PPM1L: variants seen among roughly 807,000 people sequenced by gnomAD.
PPM1L encodes protein phosphatase 1L.
A neutral mutation model predicts 31.4 loss-of-function variants in PPM1L; 13 were observed. That is an observed-to-expected ratio of 0.41 (90% CI 0.27 to 0.66). The LOEUF (loss-of-function observed/expected upper bound fraction) is 0.66. PPM1L is among the 30% of genes least tolerant of loss of function. The pLI, the probability that PPM1L is intolerant of heterozygous loss-of-function variation, is 0.29. For missense variants in PPM1L, 326 were observed against 453.7 expected, an observed-to-expected ratio of 0.72 and a Z score of 2.56; for synonymous variants, 184 against 175.4, an observed-to-expected ratio of 1.05 and a Z score of -0.39.
intron 1 of PPM1L, among the ~76,000 whole-genome samples, chr3:160,835,033 ACTACTACTT>A (rs1713654845): frequency 1.2e-5 from 1 of 86,280 alleles, no homozygotes; most frequent in African/African-American, 7.0e-5. Context: ...TACTATTACT[ACTACTACTT>A]CTTCTTCTTC....
intron 1 of PPM1L, among the ~76,000 whole-genome samples, chr3:160,833,981 T>C (rs1324654731): frequency 6.6e-6 from 1 of 151,918 alleles, no homozygotes; most frequent in Non-Finnish European, 1.5e-5. Flanking sequence ...CAGTGTCCAG[T>C]TACAAATTTC....
chr3:160,978,180 G>T (rs1169768835), intron 2 of PPM1L, among the ~76,000 whole-genome samples: 1 of 152,184 alleles, frequency 6.6e-6, no homozygotes, highest in Admixed American at 6.5e-5. Context: ...TAGCATCCCA[G>T]ACCATTTAGC....
chr3:160,902,327 C>A (rs960693139), intron 1 of PPM1L, among the ~76,000 whole-genome samples: 6 of 152,200 alleles, frequency 3.9e-5, no homozygotes, highest in Admixed American at 3.9e-4. Context: ...ACATTGGTAT[C>A]CCTAAAGAGT....
At chr3:160,817,897 A>G (rs1199073122) in intron 1 of PPM1L, among the ~76,000 whole-genome samples, 1 of 152,016 alleles carries the variant, frequency 6.6e-6, no homozygotes, top group Non-Finnish European at 1.5e-5. Context: ...CCTGGAATGG[A>G]TAATAGAGAC....
intron 1 of PPM1L, among the ~76,000 whole-genome samples, chr3:160,924,980 G>A (rs1714537938): frequency 1.3e-5 from 2 of 152,092 alleles, no homozygotes; most frequent in Admixed American, 1.3e-4. Flanking sequence ...TTTTTGCCTA[G>A]CTTAGCAAAA....
intron 2 of PPM1L, among the ~76,000 whole-genome samples, chr3:161,040,278 CAT>C (rs1303651585): frequency 6.6e-6 from 1 of 152,120 alleles, no homozygotes; most frequent in Non-Finnish European, 1.5e-5. Flanking sequence ...AAGTACAATA[CAT>C]AGTTTGATCA....
intron 1 of PPM1L, among the ~76,000 whole-genome samples, chr3:160,956,938 G>A (rs913247671): frequency 6.6e-6 from 1 of 152,222 alleles, no homozygotes; most frequent in African/African-American, 2.4e-5. Flanking sequence ...TGAACCAGAT[G>A]TGGGGGAACA....
chr3:160,993,075 G>GTT (rs550011821), intron 2 of PPM1L, among the ~76,000 whole-genome samples: 2 of 145,244 alleles, frequency 1.4e-5, no homozygotes, highest in Non-Finnish European at 1.5e-5. Context: ...TTACAACAAG[G>GTT]TTTTTTTTTT....
chr3:160,894,802 C>T (rs1279657836), intron 1 of PPM1L, among the ~76,000 whole-genome samples: 1 of 152,142 alleles, frequency 6.6e-6, no homozygotes, highest in Admixed American at 6.6e-5. Flanking sequence ...AGTAACAAAT[C>T]TGCCTTCAGC....
At chr3:160,919,969 TC>T (rs1409600197) in intron 1 of PPM1L, among the ~76,000 whole-genome samples, 1 of 152,132 alleles carries the variant, frequency 6.6e-6, no homozygotes, top group African/African-American at 2.4e-5. Flanking sequence ...CAATGCCCTC[TC>T]CCCTGCAACA....
chr3:160,888,145 T>C (rs1207736290), intron 1 of PPM1L, among the ~76,000 whole-genome samples: 1 of 152,100 alleles, frequency 6.6e-6, no homozygotes, highest in Non-Finnish European at 1.5e-5. Flanking sequence ...AATAACCAGA[T>C]AGCATCATGA....
rs138815000 is a variant in PPM1L at position 160,831,551 on chromosome 3, A to G, written c.399+74844A>G. 1.4e-3 allele frequency among the ~76,000 whole-genome samples: 218 copies of G among 152,322 alleles called. 1 individual carries two copies. Among genetic ancestry groups the G allele is most frequent in the African/African-American group, 5.0e-3 (208 of 41,568 alleles). ...CTACACAAAGGCTGGTACAAAAAAG[A>G]TTTCGAGGAGCAGGTGGCCAGGGCC... On this transcript the variant is annotated intron_variant, in intron 1 of 3. Coordinates refer to ENST00000498165, the MANE Select transcript of PPM1L (RefSeq NM_139245.4).
intron 1 of PPM1L, among the ~76,000 whole-genome samples, chr3:160,824,486 C>T (rs151107703): frequency 6.6e-6 from 1 of 152,242 alleles, no homozygotes; most frequent in East Asian, 1.9e-4. Flanking sequence ...CAGGGAATTC[C>T]CTAATGAGGG....
intron 1 of PPM1L, among the ~76,000 whole-genome samples, chr3:160,776,643 G>A (rs1157502837): frequency 6.9e-6 from 1 of 144,944 alleles, no homozygotes; most frequent in Non-Finnish European, 1.5e-5. Flanking sequence ...TCACTCAGTC[G>A]CCCAGGTTAT....
chr3:160,958,610 T>C (rs532614641), intron 1 of PPM1L, among the ~76,000 whole-genome samples: 1 of 152,358 alleles, frequency 6.6e-6, no homozygotes, highest in East Asian at 1.9e-4. Flanking sequence ...CAATTATATA[T>C]GTTGCACAAA....
At chr3:160,772,608 T>C (rs940012225) in intron 1 of PPM1L, among the ~76,000 whole-genome samples, 2 of 152,214 alleles carry the variant, frequency 1.3e-5, no homozygotes, top group African/African-American at 4.8e-5. Flanking sequence ...TGCAATTTGA[T>C]CAGTTTTGTT....
intron 1 of PPM1L, among the ~76,000 whole-genome samples, chr3:160,895,331 A>T (rs1043946008): frequency 2.6e-5 from 4 of 151,854 alleles, no homozygotes; most frequent in Admixed American, 2.0e-4. Context: ...TCCCACCTCA[A>T]TCTCCTGAGT....
intron 1 of PPM1L, among the ~76,000 whole-genome samples, chr3:160,848,172 T>G (rs1181111066): frequency 6.6e-6 from 1 of 152,250 alleles, no homozygotes; most frequent in Non-Finnish European, 1.5e-5. Flanking sequence ...AAATTCTGAA[T>G]GATAATAATT....
intron 1 of PPM1L, among the ~76,000 whole-genome samples, chr3:160,936,733 A>G (rs369072191): frequency 1.3e-5 from 2 of 152,316 alleles, no homozygotes; most frequent in African/African-American, 4.8e-5. Context: ...ACCTGATATT[A>G]TATTTCCTTT....
Sources: gnomAD v4.1 joint callset for allele counts (sites outside exome capture counted in the v4.1 genomes callset) on GRCh38, gnomAD v4.1.1 for gene constraint, MANE v1.5 for transcripts, NCBI Gene and HGNC (gene_info 2026-07-23, HGNC 2026-07-21) for gene names.